Variants in UTRN observed in about 807,000 individuals in gnomAD.
The protein encoded by UTRN is utrophin.
A neutral mutation model predicts 463.9 loss-of-function variants in UTRN; 283 were observed. That is an observed-to-expected ratio of 0.61 (90% CI 0.55 to 0.67). The LOEUF (loss-of-function observed/expected upper bound fraction) is 0.67, where lower values mean the gene tolerates loss of function less well. Ranked by LOEUF, UTRN falls within the 30% of genes least tolerant of loss-of-function variation. UTRN has a pLI of 0.00. For synonymous variants in UTRN, 1,442 were observed against 1,431.5 expected (o/e 1.01, Z -0.17); for missense variants, 3,922 against 4,084.3 (o/e 0.96, Z 1.08).
chr6:144,657,335 T>G (rs1779425063), intron 51 of UTRN, among the ~76,000 whole-genome samples: 1 of 151,374 alleles, frequency 6.6e-6, no homozygotes, highest in Non-Finnish European at 1.5e-5. Context: ...TAACTGTATA[T>G]AAGGGAGTTT....
rs114306908 is a variant in UTRN, at chr6:144,652,361, C to G, written c.7480-26045C>G. ...ATCACAAGAAAATCACGGGAAAGAC[C>G]TGCCCTCACGATTAAACTATAATTT... is the stretch of plus-strand genomic sequence containing the variant. On this transcript the variant is annotated intron_variant, in intron 51 of 74. Coordinates refer to ENST00000367545, the MANE Select transcript of UTRN (RefSeq NM_007124.3). Among the ~76,000 whole-genome samples, 338 of 152,308 alleles carry G rather than the reference C, an allele frequency of 2.2e-3. 2 individuals carry two copies. The highest frequency in any genetic ancestry group is 8.0e-3 in the African/African-American group (334 of 41,568).
At chr6:144,704,941 A>G (rs1299256935) in intron 53 of UTRN, among the ~76,000 whole-genome samples, 2 of 152,178 alleles carry the variant, frequency 1.3e-5, no homozygotes, top group Non-Finnish European at 2.9e-5. Context: ...CAGCCTGGCG[A>G]CACAGTGAGA....
At chr6:144,827,236 C>T in intron 66 of UTRN, 112 bp from the exon 67 acceptor site, 1 of 1,296,614 alleles carries the variant, frequency 7.7e-7, no homozygotes, top group Non-Finnish European at 1.1e-6. Context: ...AGGGCAACCA[C>T]ATATATGAGC....
chr6:144,530,192 G>A (rs562841143), intron 41 of UTRN, among the ~76,000 whole-genome samples: 1 of 152,324 alleles, frequency 6.6e-6, no homozygotes, highest in African/African-American at 2.4e-5. Context: ...CAGTTCTGGA[G>A]GCTGGAAGTT....
intron 53 of UTRN, among the ~76,000 whole-genome samples, chr6:144,707,943 A>G (rs951632849): frequency 6.6e-6 from 1 of 152,178 alleles, no homozygotes; most frequent in African/African-American, 2.4e-5. Context: ...ATTTTAATAT[A>G]ATAAGAGTTG....
In UTRN at chr6:144,397,116, C is replaced by T. The variant is rs972205818; in HGVS notation, c.80-6007C>T. ...AAAATTAGCCAGGCTTGGTGGCACA[C>T]GCCTATAATCCTAGCTACTTGGGAG... On this transcript the variant is annotated intron_variant, in intron 2 of 74. Transcript: ENST00000367545. 5.3e-5 allele frequency among the ~76,000 whole-genome samples: 8 copies of T among 152,166 alleles called. 1 individual carries two copies. In the East Asian group the frequency reaches 7.7e-4, roughly 15 times the overall value.
Position 144,426,365 on chromosome 6 carries a change from C to T in UTRN, c.484C>T (p.Gln162Ter), listed in dbSNP as rs1785293206. 1 of 1,614,072 alleles carries T rather than the reference C, an allele frequency of 6.2e-7. No homozygotes were observed. The highest frequency in any genetic ancestry group is 1.1e-5 in the South Asian group (1 of 91,086). ...GAAGATCCTGCTCAGCTGGGTGCGTCAGACCACCAGGCCCTACAGCCAAGT... is the reference window on the plus strand; with the variant it reads ...GAAGATCCTGCTCAGCTGGGTGCGTTAGACCACCAGGCCCTACAGCCAAGT... ...SEKILLSWVR[Q>*]TTRPYSQVNV... The change falls in exon 7 of 75, where the codon CAG (glutamine) becomes TAG (stop). Residue 162 changes from glutamine (Q) to a stop codon, truncating the protein, a stop_gained. Transcript: ENST00000367545. LOFTEE classifies it high-confidence loss of function.
Position 144,499,435 on chromosome 6 carries a change from G to T in UTRN, c.4764+8G>T. 6.3e-7 allele frequency: 1 copy of T among 1,597,928 alleles called. No individual in the cohort carries two copies. Among genetic ancestry groups the T allele is most frequent in the Non-Finnish European group, 8.6e-7 (1 of 1,167,888 alleles). Reference sequence around the variant, plus strand: ...GAAATTTCCTGGGCTAAAGTAAGTTGCAGTTCAGATGAAACACCAGCATGA... The same window carrying T: ...GAAATTTCCTGGGCTAAAGTAAGTTTCAGTTCAGATGAAACACCAGCATGA... On this transcript the variant is annotated splice_region_variant and intron_variant, in intron 34 of 74. Transcript: ENST00000367545.
At chr6:144,401,277 T>A (rs1330226017) in intron 2 of UTRN, among the ~76,000 whole-genome samples, 1 of 152,212 alleles carries the variant, frequency 6.6e-6, no homozygotes, top group African/African-American at 2.4e-5. Flanking sequence ...GACAAATAAT[T>A]GGATTTTCCA....
intron 74 of UTRN, among the ~76,000 whole-genome samples, chr6:144,847,400 T>TTTTTG (rs887308921): frequency 2.2e-5 from 3 of 139,176 alleles, no homozygotes; most frequent in African/African-American, 7.6e-5. Flanking sequence ...TTGTTTTGTT[T>TTTTTG]TTTTGTTTTG....
intron 51 of UTRN, among the ~76,000 whole-genome samples, chr6:144,654,617 C>CT (rs1196640766): frequency 2.6e-5 from 4 of 152,178 alleles, no homozygotes; most frequent in Non-Finnish European, 5.9e-5. Flanking sequence ...CTTTAAGAGC[C>CT]TTTTTCCCAG....
chr6:144,375,233 G>A (rs572657127), intron 2 of UTRN, among the ~76,000 whole-genome samples: 11 of 152,246 alleles, frequency 7.2e-5, no homozygotes, highest in African/African-American at 2.4e-4. Flanking sequence ...TGCTAAATGC[G>A]TCAGCCATAT....
rs1316186658 is a variant in UTRN at position 144,480,061 on chromosome 6, A to G, written c.3507+79A>G. 77 of 1,512,252 alleles carry G rather than the reference A, an allele frequency of 5.1e-5. No individual in the cohort carries two copies. In the Admixed American group the frequency reaches 6.5e-4, roughly 13 times the overall value. 93.7% of individuals were successfully genotyped at this position (1,512,252 alleles called of 1,614,324 possible). A position where few individuals can be genotyped will look rare whatever the true frequency, so the allele number is the denominator to read the frequency against. On this transcript the variant is annotated intron_variant, in intron 26 of 74. Transcript: ENST00000367545. ...AAACCAGCACATCAATCATCTGTCT[A>G]TCTGTCAAACACTATGTGCATGTAG...
At position 144,415,292 on chromosome 6, in the gene UTRN, T is replaced by A. The variant is rs12660596; in HGVS notation, c.142-6586T>A. ...GTCCTTAAGTGACTCATGACTGTAT[T>A]TGGAATCTGAGTGCCGTGAAGTCAA... On this transcript the variant is annotated intron_variant, in intron 3 of 74. Transcript: ENST00000367545. Among the ~76,000 whole-genome samples the A allele has an allele frequency of 0.012, 1,833 of 152,290 alleles. 70 individuals carry two copies. The East Asian group carries it at 0.14, about 12-fold the overall frequency.
At chr6:144,708,274 A>G (rs1452462784) in intron 53 of UTRN, 7 of 654,996 alleles carry the variant, frequency 1.1e-5, no homozygotes, top group Non-Finnish European at 2.0e-5. Flanking sequence ...GAATTGCAAT[A>G]GAGTTGTAAG....
intron 34 of UTRN, among the ~76,000 whole-genome samples, chr6:144,508,294 A>C (rs969101001): frequency 1.3e-5 from 2 of 151,976 alleles, no homozygotes; most frequent in African/African-American, 4.8e-5. Flanking sequence ...GTGAAAAAAA[A>C]CAAACAAACA....
At chr6:144,850,899 G>A in intron 74 of UTRN, 90 bp from the exon 75 acceptor site, 1 of 1,556,012 alleles carries the variant, frequency 6.4e-7, no homozygotes, top group South Asian at 1.1e-5. Flanking sequence ...CTTGAAAGAA[G>A]CACTTTTATT....
At chr6:144,827,859 C>G (rs924603154) in intron 68 of UTRN, among the ~76,000 whole-genome samples, 183 bp downstream of exon 68, 2 of 152,082 alleles carry the variant, frequency 1.3e-5, no homozygotes, top group Admixed American at 6.6e-5. Context: ...TTACCAAACA[C>G]CTGCTATATA....
At chr6:144,505,820 G>T (rs1388326962) in intron 34 of UTRN, among the ~76,000 whole-genome samples, 2 of 152,168 alleles carry the variant, frequency 1.3e-5, no homozygotes, top group East Asian at 3.8e-4. Context: ...TTAATTTTCT[G>T]CCTCACTGAT....
Sources: gnomAD v4.1 joint callset for allele counts (sites outside exome capture counted in the v4.1 genomes callset) on GRCh38, gnomAD v4.1.1 for gene constraint, MANE v1.5 for transcripts, NCBI Gene and HGNC (gene_info 2026-07-23, HGNC 2026-07-21) for gene names.